The following BRWD3 variants were observed in gnomAD, a reference collection of about 807,000 sequenced individuals.
BRWD3 encodes bromodomain and WD repeat domain containing 3.
A neutral mutation model predicts 149.7 loss-of-function variants in BRWD3; 10 were observed. The observed-to-expected ratio is 0.07, with a 90% CI of 0.04 to 0.11. The LOEUF is 0.11. Among genes scored for constraint, BRWD3 ranks in the 10% least tolerant of loss-of-function variants. The pLI is 1.00. For synonymous variants in BRWD3, 504 were observed against 456.7 expected, an observed-to-expected ratio of 1.10 and a Z score of -1.32; for missense variants, 940 against 1,373.2, an observed-to-expected ratio of 0.68 and a Z score of 4.99.
chrX:80,744,302 A>C, intron 7 of BRWD3, 49 bp from the exon 8 acceptor site: 1 of 987,287 alleles, frequency 1.0e-6, no homozygotes, highest in Non-Finnish European at 1.4e-6. Context: ...GAAATTCACA[A>C]TACCCCCACC....
At chrX:80,787,559 A>G (rs1271483104) in intron 6 of BRWD3, among the ~76,000 whole-genome samples, 24 of 107,331 alleles carry the variant, frequency 2.2e-4, no homozygotes, top group Non-Finnish European at 4.0e-4. Flanking sequence ...TACTGGAATT[A>G]GACACCCATA....
At chrX:80,760,533 C>A (rs1490865457) in intron 6 of BRWD3, among the ~76,000 whole-genome samples, 1 of 111,620 alleles carries the variant, frequency 9.0e-6, no homozygotes, top group Non-Finnish European at 1.9e-5. Flanking sequence ...AGGAAAATGC[C>A]ATTTGAAGTG....
intron 18 of BRWD3, 82 bp from the exon 19 acceptor site, chrX:80,717,841 A>T: frequency 1.2e-6 from 1 of 844,838 alleles, no homozygotes; most frequent in East Asian, 3.2e-5. Flanking sequence ...ATAAAACAGT[A>T]GATTCAAATA....
chrX:80,732,866 ATGG>A (rs2073351502), intron 12 of BRWD3, among the ~76,000 whole-genome samples: 1 of 111,941 alleles, frequency 8.9e-6, no homozygotes, highest in Admixed American at 9.5e-5. Context: ...TTGGCCGGGC[ATGG>A]TGGCTCACGC....
At chrX:80,704,062 T>C (rs1569252495) in intron 23 of BRWD3, among the ~76,000 whole-genome samples, 1 of 111,320 alleles carries the variant, frequency 9.0e-6, no homozygotes, top group Non-Finnish European at 1.9e-5. Context: ...GTCATTGGGA[T>C]GAAATAAAAA....
chrX:80,716,175 T>G lies in BRWD3; in HGVS notation c.2307A>C (p.Pro769=). ...SLYTVEKKKK[P]SYTTQRNDYE... ...TACTTACCCTTTGAGTAGTGTAAGATGGCTTTTTCTTCTTTTCAACTGTAT... is the reference window on the plus strand; with the variant it reads ...TACTTACCCTTTGAGTAGTGTAAGAGGGCTTTTTCTTCTTTTCAACTGTAT... The change falls in exon 20 of 41, where the codon CCA becomes CCC. Residue 769 remains proline (P), a synonymous_variant. Transcript: ENST00000373275. 1 of 1,207,110 alleles carries G rather than the reference T, an allele frequency of 8.3e-7. No individual in the cohort carries two copies. Among genetic ancestry groups the G allele is most frequent in the Non-Finnish European group, 1.1e-6 (1 of 891,507 alleles).
Position 80,691,265 on chromosome X carries a change from G to A in BRWD3, c.3482-92C>T, listed in dbSNP as rs1264864327. ...TTATTCATATATAAACAAGAAGGGA[G>A]GGTGATATACTACTTTTCTAAAACC... On this transcript the variant is annotated intron_variant, in intron 30 of 40. Transcript: ENST00000373275. The A allele has an allele frequency of 8.5e-6, 8 of 946,193 alleles. No homozygotes were observed. In the Admixed American group the frequency reaches 2.1e-4, roughly 25 times the overall value. 78.0% of individuals were successfully genotyped at this position (946,193 alleles called of 1,213,427 possible). A position where few individuals can be genotyped will look rare whatever the true frequency, so the allele number is the denominator to read the frequency against.
In BRWD3 at chrX:80,719,506, G is replaced by A. The variant is rs2073115421; in HGVS notation, c.2027C>T (p.Ala676Val). 1.7e-6 allele frequency: 2 copies of A among 1,205,189 alleles called. No homozygotes were observed. Among genetic ancestry groups the A allele is most frequent in the Non-Finnish European group, 1.1e-6 (1 of 889,878 alleles). Reference sequence around the variant, plus strand: ...ATACTTACCACCATTAACAGAGTATGCTCTATTAACTGGTAAATGTGGAAC... The same window carrying A: ...ATACTTACCACCATTAACAGAGTATACTCTATTAACTGGTAAATGTGGAAC... ...GDVPHLPVNR[A>V]YSVNGALRSP... Residue 676 changes from alanine (A) to valine (V), a missense_variant, in exon 18 of 41, where the codon GCA becomes GTA. By Grantham distance (64) the Ala-to-Val change is moderately conservative. Around this residue, in one of 6 missense-constraint regions of BRWD3, gnomAD observed 209 missense variants for 396.8 expected, o/e 0.53. Transcript: ENST00000373275.
chrX:80,777,018 A>C (rs1301057934), intron 6 of BRWD3, among the ~76,000 whole-genome samples: 6 of 109,594 alleles, frequency 5.5e-5, no homozygotes, highest in African/African-American at 2.0e-4. Flanking sequence ...AATACATCTG[A>C]TTTTCTCAGA....
chrX:80,783,888 T>C lies in BRWD3; in HGVS notation c.430+7966A>G, dbSNP rs552361363. On this transcript the variant is annotated intron_variant, in intron 6 of 40. Coordinates refer to ENST00000373275, the MANE Select transcript of BRWD3 (RefSeq NM_153252.5). Reference sequence around the variant, plus strand: ...CTAAAAATTAAAACAATTAAACTCATGGAAATAGCAGAATGATGGTTACCA... The same window carrying C: ...CTAAAAATTAAAACAATTAAACTCACGGAAATAGCAGAATGATGGTTACCA... Among the ~76,000 whole-genome samples, 3 of 110,865 alleles carry C rather than the reference T, an allele frequency of 2.7e-5. No homozygotes were observed. The South Asian group carries it at 1.1e-3, about 42-fold the overall frequency.
At position 80,692,185 on chromosome X, in the gene BRWD3, T is replaced by C. The variant is rs771591325; in HGVS notation, c.3264-35A>G. On this transcript the variant is annotated intron_variant, in intron 28 of 40. Coordinates refer to ENST00000373275, the MANE Select transcript of BRWD3 (RefSeq NM_153252.5). The stretch of plus-strand genomic sequence containing the variant: ...AATAAGAAGATGCAAATCAAATTAA[T>C]CATATAGTACTTCCTTTCATATACT... 2.7e-6 allele frequency: 3 copies of C among 1,130,430 alleles called. No homozygotes were observed. In the South Asian group the frequency reaches 5.5e-5, roughly 21 times the overall value. 93.2% of individuals were successfully genotyped at this position (1,130,430 alleles called of 1,213,427 possible).
intron 23 of BRWD3, among the ~76,000 whole-genome samples, chrX:80,703,832 G>A (rs993276678): frequency 2.5e-4 from 28 of 111,556 alleles, no homozygotes; most frequent in African/African-American, 8.8e-4. Flanking sequence ...TAGACTACCT[G>A]AAAACCATAA....
chrX:80,706,552 T>C (rs1188355464), intron 22 of BRWD3, among the ~76,000 whole-genome samples: 2 of 112,179 alleles, frequency 1.8e-5, no homozygotes, highest in Non-Finnish European at 3.8e-5. Flanking sequence ...AATATCACCG[T>C]CTTCCATCTC....
chrX:80,787,243 C>T (rs1052218604), intron 6 of BRWD3, among the ~76,000 whole-genome samples: 23 of 111,628 alleles, frequency 2.1e-4, no homozygotes, highest in Middle Eastern at 4.6e-3. Context: ...AGCTATACTA[C>T]GTTCCTGGAT....
Position 80,723,896 on chromosome X carries a change from C to A in BRWD3, c.1522-20G>T. 6 of 1,206,754 alleles carry A rather than the reference C, an allele frequency of 5.0e-6. No individual in the cohort carries two copies. Among genetic ancestry groups the A allele is most frequent in the Non-Finnish European group, 6.7e-6 (6 of 891,426 alleles). The stretch of plus-strand genomic sequence containing the variant: ...TTCAATCTGAAATTCAGAGGAGTCT[C>A]AAGTCATCTTAAGAGTAATTTTCAA... On this transcript the variant is annotated intron_variant, in intron 15 of 40. Coordinates refer to ENST00000373275, the MANE Select transcript of BRWD3 (RefSeq NM_153252.5).
intron 4 of BRWD3, among the ~76,000 whole-genome samples, chrX:80,797,246 G>A (rs946878928): frequency 9.0e-6 from 1 of 111,373 alleles, no homozygotes; most frequent in African/African-American, 3.3e-5. Context: ...AGATAAACTG[G>A]GCTTCTGTTA....
intron 6 of BRWD3, among the ~76,000 whole-genome samples, chrX:80,772,929 C>T (rs763301809): frequency 5.4e-4 from 61 of 111,993 alleles, no homozygotes; most frequent in South Asian, 2.2e-3. Context: ...TGAATACTGA[C>T]ACTTGCAACA....
chrX:80,721,807 C>G (rs1035578134), intron 17 of BRWD3, among the ~76,000 whole-genome samples: 2 of 111,692 alleles, frequency 1.8e-5, no homozygotes, highest in Non-Finnish European at 3.8e-5. Flanking sequence ...ATTTCAAACA[C>G]GAGGATAGGT....
chrX:80,799,428 C>T lies in BRWD3; in HGVS notation c.181-5656G>A, dbSNP rs142821340. 1.2e-4 allele frequency among the ~76,000 whole-genome samples: 13 copies of T among 111,905 alleles called. 1 individual carries two copies. The East Asian group carries it at 3.1e-3, about 26-fold the overall frequency. On this transcript the variant is annotated intron_variant, in intron 4 of 40. Transcript: ENST00000373275. Reference sequence around the variant, plus strand: ...TAAAAAACAAATATAGCAGAGAATACGCTATTTGTTTTCCAAGACCATGGC... The same window carrying T: ...TAAAAAACAAATATAGCAGAGAATATGCTATTTGTTTTCCAAGACCATGGC...
Sources: gnomAD v4.1 joint callset for allele counts (sites outside exome capture counted in the v4.1 genomes callset) on GRCh38, gnomAD v4.1.1 for gene constraint, gnomAD v4.1.1 regional missense constraint, MANE v1.5 for transcripts, NCBI Gene and HGNC (gene_info 2026-07-23, HGNC 2026-07-21) for gene names.